The following ACTR5 variants were observed in gnomAD, a reference collection of about 807,000 sequenced individuals.
The protein encoded by ACTR5 is actin-related protein 5.
Under a neutral mutation model 61.2 loss-of-function variants are expected in ACTR5, and 43 were observed. The ratio of observed to expected loss-of-function variants is 0.70; its 90% CI spans 0.55 to 0.91. The LOEUF (loss-of-function observed/expected upper bound fraction) is 0.91, where lower values mean the gene tolerates loss of function less well. Ranked by LOEUF, ACTR5 falls within the 40% of genes least tolerant of loss-of-function variation. ACTR5 has a pLI of 0.00. For synonymous variants in ACTR5, 333 were observed against 310.5 expected (o/e 1.07, Z -0.76); for missense variants, 798 against 782.2 (o/e 1.02, Z -0.24).
rs776085976 is a variant in ACTR5 at position 38,767,464 on chromosome 20, G to A, written c.1434G>A (p.Arg478=). The change falls in exon 8 of 9, where the codon AGG becomes AGA. Residue 478 remains arginine, a splice_region_variant and synonymous_variant. Transcript: ENST00000243903. The stretch of plus-strand genomic sequence containing the variant: ...ATATTAGGAGTTGTTTCTTTCCTAG[G>A]TACCCAAAGGACATTCAGGAAATGC... ...IAETLQYILD[R]YPKDIQEMLV... The A allele has an allele frequency of 1.2e-5, 19 of 1,613,026 alleles. No homozygotes were observed. Among genetic ancestry groups the A allele is most frequent in the Non-Finnish European group, 1.6e-5 (19 of 1,179,666 alleles).
chr20:38,758,915 A>G (rs972930795), intron 5 of ACTR5, among the ~76,000 whole-genome samples: 1 of 152,232 alleles, frequency 6.6e-6, no homozygotes, highest in African/African-American at 2.4e-5. Context: ...AACTGAATTA[A>G]TACAGCTGGA....
intron 5 of ACTR5, 143 bp downstream of exon 5, chr20:38,756,182 G>A: frequency 1.0e-6 from 1 of 958,728 alleles, no homozygotes; most frequent in Non-Finnish European, 1.5e-6. Context: ...CACTGACCTT[G>A]TACCAACTGA....
chr20:38,761,973 C>A (rs1305440969), intron 5 of ACTR5: 1 of 152,302 alleles, frequency 6.6e-6, no homozygotes, highest in Non-Finnish European at 1.5e-5. Context: ...ACTCCTGCCC[C>A]CCTGGAGCAT....
Position 38,750,014 on chromosome 20 carries a change from G to A in ACTR5, c.380G>A (p.Cys127Tyr), listed in dbSNP as rs531752105. Reference sequence around the variant, plus strand: ...TGCCCTTTTCTTTCAAAGTAGGGCTGTGTTGATCATCCCATAGTTTTGACA... The same window carrying A: ...TGCCCTTTTCTTTCAAAGTAGGGCTATGTTGATCATCCCATAGTTTTGACA... Reference protein sequence around the residue: ...FQHLGVSSQGCVDHPIVLTEA... With the variant: ...FQHLGVSSQGYVDHPIVLTEA... Residue 127 changes from cysteine to tyrosine, a missense_variant, in exon 2 of 9, where the codon TGT becomes TAT. Transcript: ENST00000243903. 3 of 1,613,694 alleles carry A rather than the reference G, an allele frequency of 1.9e-6. No individual in the cohort carries two copies. The Admixed American group carries it at 5.0e-5, about 27-fold the overall frequency.
At chr20:38,771,537 C>A (rs777434547) in intron 8 of ACTR5, 22 bp from the exon 9 acceptor site, 2 of 1,601,730 alleles carry the variant, frequency 1.2e-6, no homozygotes, top group Non-Finnish European at 1.7e-6. Flanking sequence ...TGGAGGTGTC[C>A]TGGTGAATCT....
In ACTR5 at chr20:38,765,673, C is replaced by T. The variant is rs555117653; in HGVS notation, c.1293+155C>T. ...TCTGAAATCAGGGATTTTTTTCCCC[C>T]GGTGATTGATCGATTGGTTCTAGTA... On this transcript the variant is annotated intron_variant, in intron 6 of 8. Transcript: ENST00000243903. Among the ~76,000 whole-genome samples the T allele has an allele frequency of 9.9e-5, 15 of 152,136 alleles. No individual in the cohort carries two copies. The East Asian group carries it at 1.7e-3, about 18-fold the overall frequency.
Position 38,771,749 on chromosome 20 carries a change from C to T in ACTR5, c.1757C>T (p.Ser586Phe), listed in dbSNP as rs148230295. ...CGCCTGCCGAAGCAGGCCTCCCGCT[C>T]CTCAGATGCCCAGGCATCCAGCAAG... The part of the protein sequence containing the change: ...PIRLPKQASR[S>F]SDAQASSKGS... The change falls in exon 9 of 9, where the codon TCC (serine) becomes TTC (phenylalanine). Residue 586 changes from serine (S) to phenylalanine (F), a missense_variant. Coordinates refer to ENST00000243903, the MANE Select transcript of ACTR5 (RefSeq NM_024855.4). The T allele has an allele frequency of 1.8e-5, 29 of 1,613,998 alleles. No individual in the cohort carries two copies. The highest frequency in any genetic ancestry group is 1.5e-4 in the African/African-American group (11 of 74,936).
intron 5 of ACTR5, among the ~76,000 whole-genome samples, chr20:38,760,513 C>T (rs937337402): frequency 2.1e-4 from 32 of 152,150 alleles, no homozygotes; most frequent in African/African-American, 7.5e-4. Context: ...CCCAAGATCT[C>T]GCTGCCATTT....
At chr20:38,771,098 C>G (rs1416218095) in intron 8 of ACTR5, among the ~76,000 whole-genome samples, 4 of 152,234 alleles carry the variant, frequency 2.6e-5, no homozygotes, top group African/African-American at 9.6e-5. Flanking sequence ...CAGAGAACGC[C>G]CAGGTCACCC....
At chr20:38,769,208 C>T (rs1420265773) in intron 8 of ACTR5, among the ~76,000 whole-genome samples, 1 of 152,220 alleles carries the variant, frequency 6.6e-6, no homozygotes, top group Admixed American at 6.5e-5. Flanking sequence ...ATCCAGCTTT[C>T]TCAGTGGCTG....
At position 38,767,560 on chromosome 20, in the gene ACTR5, A is replaced by G. The variant is rs753017125; in HGVS notation, c.1530A>G (p.Glu510=). The part of the protein sequence containing the change: ...YPGMKARMEK[E]LLEMRPFRSS... ...GCATGAAAGCCAGAATGGAGAAGGA[A>G]CTGTTGGAGATGAGACCCTTCCGGT... Residue 510 remains glutamate (E), a synonymous_variant, in exon 8 of 9, where the codon GAA becomes GAG. Transcript: ENST00000243903. 5 of 1,613,982 alleles carry G rather than the reference A, an allele frequency of 3.1e-6. No homozygotes were observed. The East Asian group carries it at 1.1e-4, about 36-fold the overall frequency.
intron 3 of ACTR5, among the ~76,000 whole-genome samples, chr20:38,753,347 C>T (rs1000089273): frequency 4.0e-5 from 6 of 151,838 alleles, no homozygotes; most frequent in African/African-American, 1.5e-4. Flanking sequence ...ATAATCATAT[C>T]CTGTTTTTAT....
chr20:38,756,672 A>G (rs1051518741), intron 5 of ACTR5, among the ~76,000 whole-genome samples: 3 of 152,218 alleles, frequency 2.0e-5, no homozygotes, highest in Non-Finnish European at 4.4e-5. Context: ...TGGAAGTCCC[A>G]GGCAGGCAGA....
chr20:38,758,511 G>A (rs771287078), intron 5 of ACTR5, among the ~76,000 whole-genome samples: 11 of 152,190 alleles, frequency 7.2e-5, no homozygotes, highest in East Asian at 1.9e-4. Context: ...GCCGGGCGTC[G>A]GGGCAGGCGC....
rs1415158340 is a variant in ACTR5, at chr20:38,752,437, T to C, written c.775+137T>C. The stretch of plus-strand genomic sequence containing the variant: ...TTTTTGTATTCCCTTTCTTAAACTA[T>C]TCAGTAAACTGATAACTTATGTTGT... On this transcript the variant is annotated intron_variant, in intron 3 of 8. Transcript: ENST00000243903. The C allele has an allele frequency of 7.1e-6, 7 of 987,970 alleles. No individual in the cohort carries two copies. In the African/African-American group the frequency reaches 8.2e-5, roughly 12 times the overall value. The allele number at this position is 987,970 out of a possible 1,614,324, so 61.2% of individuals were successfully genotyped here.
intron 1 of ACTR5, 89 bp downstream of exon 1, chr20:38,748,942 G>A: frequency 6.8e-7 from 1 of 1,460,390 alleles, no homozygotes; most frequent in African/African-American, 1.5e-5. Context: ...AGAGGTAACA[G>A]TCACTTCAGT....
At chr20:38,762,742 G>C (rs2084462643) in intron 5 of ACTR5, among the ~76,000 whole-genome samples, 1 of 152,174 alleles carries the variant, frequency 6.6e-6, no homozygotes, top group Non-Finnish European at 1.5e-5. Flanking sequence ...TCATCACTTG[G>C]ATTGAGGGAG....
chr20:38,754,989 G>A lies in ACTR5; in HGVS notation c.808G>A (p.Glu270Lys), dbSNP rs2084410966. 2 of 1,614,204 alleles carry A rather than the reference G, an allele frequency of 1.2e-6. No homozygotes were observed. Among genetic ancestry groups the A allele is most frequent in the South Asian group, 2.2e-5 (2 of 91,082 alleles). The change falls in exon 4 of 9, where the codon GAG becomes AAG. Residue 270 changes from glutamate (E) to lysine (K), a missense_variant. Coordinates refer to ENST00000243903, the MANE Select transcript of ACTR5 (RefSeq NM_024855.4). ...CAAATGGCGGTGTCCTGATTATTAT[G>A]AGAATAATGTCCACAAGATGCAGCT... The part of the protein sequence containing the change: ...LHKWRCPDYY[E>K]NNVHKMQLPF...
At chr20:38,757,476 T>C (rs2255202) in intron 5 of ACTR5, among the ~76,000 whole-genome samples, 36,726 of 152,054 alleles carry the variant, frequency 0.24, 4,588 homozygotes, top group Middle Eastern at 0.35. Context: ...CTCTTGTTTT[T>C]TGTTTTTTGT....
Sources: gnomAD v4.1 joint callset for allele counts (sites outside exome capture counted in the v4.1 genomes callset) on GRCh38, gnomAD v4.1.1 for gene constraint, MANE v1.5 for transcripts, NCBI Gene and HGNC (gene_info 2026-07-23, HGNC 2026-07-21) for gene names.